Variants in SEMA5A observed in about 807,000 individuals in gnomAD.
SEMA5A encodes the protein semaphorin-5A.
A neutral mutation model predicts 135.5 loss-of-function variants in SEMA5A; 55 were observed. The ratio of observed to expected loss-of-function variants is 0.41; its 90% CI spans 0.33 to 0.51. SEMA5A has a LOEUF of 0.51. Ranked by LOEUF, SEMA5A falls within the 20% of genes least tolerant of loss-of-function variation. SEMA5A has a pLI of 0.37. For missense variants in SEMA5A, 1,290 were observed against 1,419.9 expected, an observed-to-expected ratio of 0.91 and a Z score of 1.47; for synonymous variants, 580 against 546.5, an observed-to-expected ratio of 1.06 and a Z score of -0.85.
At chr5:9,123,213 C>G (rs1308141082) in intron 13 of SEMA5A, among the ~76,000 whole-genome samples, 5 of 129,442 alleles carry the variant, frequency 3.9e-5, no homozygotes, top group African/African-American at 1.2e-4. Context: ...GAGCCGAGAT[C>G]GCACCACTGC....
intron 1 of SEMA5A, among the ~76,000 whole-genome samples, chr5:9,473,140 T>TGTAA (rs1759538568): frequency 6.9e-6 from 1 of 144,964 alleles, no homozygotes; most frequent in African/African-American, 2.5e-5. Context: ...TATATATATA[T>TGTAA]AATGCCCACA....
intron 1 of SEMA5A, among the ~76,000 whole-genome samples, chr5:9,509,600 G>C (rs895114542): frequency 1.3e-5 from 2 of 152,002 alleles, no homozygotes; most frequent in African/African-American, 4.8e-5. Context: ...TTAATGAGTG[G>C]ATATAGGTTC....
intron 11 of SEMA5A, among the ~76,000 whole-genome samples, chr5:9,185,912 C>A (rs1218011688): frequency 2.0e-5 from 3 of 152,148 alleles, no homozygotes; most frequent in African/African-American, 7.2e-5. Flanking sequence ...ACCAGGAGTG[C>A]ATGTGGGACT....
At chr5:9,192,643 G>A (rs1806127) in intron 10 of SEMA5A, among the ~76,000 whole-genome samples, 2,644 of 152,236 alleles carry the variant, frequency 0.017, 72 homozygotes, top group African/African-American at 0.059. Flanking sequence ...ACATTTGGAG[G>A]TCAGAGACAA....
At chr5:9,255,137 G>A (rs1748995399) in intron 5 of SEMA5A, among the ~76,000 whole-genome samples, 1 of 152,152 alleles carries the variant, frequency 6.6e-6, no homozygotes, top group Non-Finnish European at 1.5e-5. Flanking sequence ...TTAGTTTGGA[G>A]GTAAAGACAA....
intron 1 of SEMA5A, among the ~76,000 whole-genome samples, chr5:9,445,309 T>C (rs1486588899): frequency 6.6e-6 from 1 of 151,902 alleles, no homozygotes; most frequent in East Asian, 1.9e-4. Flanking sequence ...CTAGAAATAA[T>C]TCCACATATT....
chr5:9,055,048 T>C (rs1400622173), intron 18 of SEMA5A, among the ~76,000 whole-genome samples: 2 of 152,206 alleles, frequency 1.3e-5, no homozygotes, highest in Admixed American at 1.3e-4. Flanking sequence ...CCTGAATTCT[T>C]TAGGCTGGGC....
intron 5 of SEMA5A, among the ~76,000 whole-genome samples, chr5:9,282,964 T>C (rs979794374): frequency 6.6e-6 from 1 of 152,120 alleles, no homozygotes; most frequent in South Asian, 2.1e-4. Context: ...TGACTCTCCA[T>C]AGAAGAGCCT....
rs1369019771 is a variant in SEMA5A at position 9,303,603 on chromosome 5, A to C, written c.270+14769T>G. ...AAATAGCTGGAAGAGAGACTTTCGA[A>C]TGTTCTCACCATAAAGAAATGATAA... On this transcript the variant is annotated intron_variant, in intron 5 of 22. Transcript: ENST00000382496. 2.6e-5 allele frequency among the ~76,000 whole-genome samples: 4 copies of C among 152,246 alleles called. No homozygotes were observed. The East Asian group carries it at 7.7e-4, about 29-fold the overall frequency.
At chr5:9,300,258 G>A (rs773130043) in intron 5 of SEMA5A, among the ~76,000 whole-genome samples, 1 of 152,104 alleles carries the variant, frequency 6.6e-6, no homozygotes, top group Non-Finnish European at 1.5e-5. Context: ...AAACTCCTGG[G>A]TTCAAGTGAT....
intron 1 of SEMA5A, among the ~76,000 whole-genome samples, chr5:9,448,675 G>T (rs268524): frequency 1.6e-3 from 248 of 152,286 alleles, no homozygotes; most frequent in African/African-American, 5.6e-3. Context: ...TGTAATTCTT[G>T]CTCTTTAGAT....
chr5:9,092,839 T>G (rs1367778687), intron 16 of SEMA5A, among the ~76,000 whole-genome samples: 1 of 152,180 alleles, frequency 6.6e-6, no homozygotes, highest in Non-Finnish European at 1.5e-5. Flanking sequence ...TGCCATTACC[T>G]TTTTAAAAAA....
chr5:9,365,479 T>C lies in SEMA5A; in HGVS notation c.124+14344A>G, dbSNP rs1216186186. Among the ~76,000 whole-genome samples the C allele has an allele frequency of 3.3e-5, 5 of 152,088 alleles. No homozygotes were observed. The East Asian group carries it at 5.8e-4, about 18-fold the overall frequency. On this transcript the variant is annotated intron_variant, in intron 3 of 22. Transcript: ENST00000382496. ...TAGAGTGCTGTTCATCATTGCTTGA[T>C]TTTTTTGCATTCAGATAGCTTTTTA...
intron 11 of SEMA5A, among the ~76,000 whole-genome samples, chr5:9,168,324 C>G (rs140699889): frequency 1.5e-3 from 223 of 152,258 alleles, no homozygotes; most frequent in African/African-American, 5.2e-3. Flanking sequence ...CTAGGTGACT[C>G]TAACTCAAAG....
Position 9,115,818 on chromosome 5 carries a change from C to G in SEMA5A, c.1925+3180G>C, listed in dbSNP as rs547002138. ...TTCATACCCTGTGTCATCACCTCCT[C>G]TAGGTTGTGGAGGCCTGTGTCTTAC... On this transcript the variant is annotated intron_variant, in intron 15 of 22. Transcript: ENST00000382496. Among the ~76,000 whole-genome samples, 197 of 152,162 alleles carry G rather than the reference C, an allele frequency of 1.3e-3. 1 individual carries two copies. Among genetic ancestry groups the G allele is most frequent in the Admixed American group, 1.6e-3 (25 of 15,268 alleles).
intron 2 of SEMA5A, among the ~76,000 whole-genome samples, chr5:9,380,656 A>T (rs1805933): frequency 0.025 from 3,768 of 152,310 alleles, 62 homozygotes; most frequent in Middle Eastern, 0.092. Flanking sequence ...TATATCGAGC[A>T]CCTACTGGGT....
chr5:9,351,410 T>C (rs1013014223), intron 3 of SEMA5A, among the ~76,000 whole-genome samples: 2 of 152,184 alleles, frequency 1.3e-5, no homozygotes, highest in Non-Finnish European at 2.9e-5. Flanking sequence ...AAATGCCACT[T>C]ATGATATAAT....
intron 2 of SEMA5A, among the ~76,000 whole-genome samples, chr5:9,433,710 T>C (rs1236692072): frequency 1.3e-5 from 2 of 151,112 alleles, no homozygotes; most frequent in Admixed American, 1.3e-4. Context: ...AAATAAAATA[T>C]ATAAAAAAAG....
intron 12 of SEMA5A, among the ~76,000 whole-genome samples, chr5:9,144,160 T>C (rs1027455191): frequency 2.0e-5 from 3 of 152,192 alleles, no homozygotes; most frequent in African/African-American, 4.8e-5. Flanking sequence ...GGCATAATTA[T>C]AGGTACCTCC....
Sources: allele counts gnomAD v4.1 joint callset (sites outside exome capture counted in the v4.1 genomes callset), GRCh38; gene constraint gnomAD v4.1.1; transcripts MANE v1.5; gene names NCBI Gene and HGNC (gene_info 2026-07-23, HGNC 2026-07-21).